Variants in TENM3 observed in about 807,000 individuals in gnomAD.
TENM3 encodes teneurin transmembrane protein 3.
In TENM3, 63 loss-of-function variants were observed where a neutral mutation model predicts 255.1. The observed-to-expected ratio is 0.25, with a 90% confidence interval of 0.20 to 0.30. The LOEUF is 0.30. Among genes scored for constraint, TENM3 ranks in the 10% least tolerant of loss-of-function variants. The probability of loss-of-function intolerance (pLI) is 1.00; values close to 1 mark genes in which losing one functional copy is unlikely to be tolerated. For missense variants in TENM3, 2,929 were observed against 3,461.1 expected (o/e 0.85, Z 3.86); for synonymous variants, 1,306 against 1,322.3 (o/e 0.99, Z 0.27).
At chr4:181,679,019 T>C in the TENM3 span, among the ~76,000 whole-genome samples, 2 of 152,274 alleles carry the variant, frequency 1.3e-5, no homozygotes, top group East Asian at 3.9e-4. Flanking sequence ...CATATTTCTA[T>C]ATTGAGTCCT....
At chr4:181,591,692 G>A in the TENM3 span, among the ~76,000 whole-genome samples, 2 of 152,142 alleles carry the variant, frequency 1.3e-5, no homozygotes, top group East Asian at 1.9e-4. Context: ...ATAGGAGCAC[G>A]AGCCCTATTG....
At chr4:182,526,725 A>G (rs1276595442) in intron 3 of TENM3, among the ~76,000 whole-genome samples, 2 of 152,214 alleles carry the variant, frequency 1.3e-5, no homozygotes, top group Admixed American at 6.5e-5. Context: ...TGGAGCCTCA[A>G]TAGCTGCTCA....
At chr4:181,745,983 G>C in the TENM3 span, among the ~76,000 whole-genome samples, 2 of 152,184 alleles carry the variant, frequency 1.3e-5, no homozygotes, top group Non-Finnish European at 2.9e-5. Context: ...AACTCAAGTG[G>C]AGCAAGTGAG....
the TENM3 span, among the ~76,000 whole-genome samples, chr4:181,541,174 G>T: frequency 6.6e-6 from 1 of 151,974 alleles, no homozygotes; most frequent in Non-Finnish European, 1.5e-5. Flanking sequence ...AGGGGCTGGA[G>T]ACCAGCCTGG....
the TENM3 span, among the ~76,000 whole-genome samples, chr4:181,854,778 A>G: frequency 6.6e-6 from 1 of 152,226 alleles, no homozygotes; most frequent in Non-Finnish European, 1.5e-5. Context: ...GTCATCATTT[A>G]TGAAGGATCA....
chr4:181,559,845 A>G, the TENM3 span, among the ~76,000 whole-genome samples: 22 of 152,286 alleles, frequency 1.4e-4, no homozygotes, highest in Admixed American at 1.4e-3. Flanking sequence ...GCATTGAGAA[A>G]CCACACGCAG....
the TENM3 span, among the ~76,000 whole-genome samples, chr4:181,942,820 A>G: frequency 6.6e-6 from 1 of 152,342 alleles, no homozygotes; most frequent in South Asian, 2.1e-4. Flanking sequence ...TTACTCTGGT[A>G]CAAAATAAAA....
chr4:182,483,705 T>C (rs1445419829), intron 3 of TENM3, among the ~76,000 whole-genome samples: 1 of 152,154 alleles, frequency 6.6e-6, no homozygotes, highest in Non-Finnish European at 1.5e-5. Flanking sequence ...TTTTTCTTTA[T>C]AAAGAAAAGG....
the TENM3 span, among the ~76,000 whole-genome samples, chr4:181,948,241 C>A: frequency 2.0e-5 from 3 of 151,740 alleles, no homozygotes. Context: ...ATTTAATTCA[C>A]GGGGGGAAAA....
At chr4:181,575,088 C>T in the TENM3 span, among the ~76,000 whole-genome samples, 4 of 151,990 alleles carry the variant, frequency 2.6e-5, no homozygotes, top group African/African-American at 4.8e-5. Flanking sequence ...AATTCTTGAC[C>T]GCTACCAGTC....
In TENM3 at chr4:182,294,265, G is replaced by T. The variant is rs116300602; in HGVS notation, c.-75-29681G>T. Among the ~76,000 whole-genome samples, 618 of 152,258 alleles carry T rather than the reference G, an allele frequency of 4.1e-3. 2 individuals carry two copies. Among genetic ancestry groups the T allele is most frequent in the African/African-American group, 0.013 (539 of 41,548 alleles). ...CGTGAGGTGGAGGTCTAAGAATTCTGAGTGACACATTTTTAAGATTTCTAG... is the reference window on the plus strand; with the variant it reads ...CGTGAGGTGGAGGTCTAAGAATTCTTAGTGACACATTTTTAAGATTTCTAG... On this transcript the variant is annotated intron_variant, in intron 1 of 27. Coordinates refer to ENST00000511685, the MANE Select transcript of TENM3 (RefSeq NM_001080477.4).
the TENM3 span, among the ~76,000 whole-genome samples, chr4:181,584,022 G>T: frequency 6.6e-6 from 1 of 152,122 alleles, no homozygotes; most frequent in Admixed American, 6.6e-5. Context: ...AATCTTCTAA[G>T]CTTCTTGCAG....
At chr4:182,362,479 C>A (rs983803687) in intron 3 of TENM3, among the ~76,000 whole-genome samples, 2 of 152,090 alleles carry the variant, frequency 1.3e-5, no homozygotes, top group Non-Finnish European at 2.9e-5. Flanking sequence ...TCTCAGACTG[C>A]TGTGCTAGCA....
chr4:182,785,735 C>T (rs1214039771), intron 24 of TENM3, among the ~76,000 whole-genome samples: 5 of 128,704 alleles, frequency 3.9e-5, no homozygotes, highest in African/African-American at 1.6e-4. Flanking sequence ...AAAAAAAAAG[C>T]CACTGAAGCC....
chr4:181,969,929 T>G, the TENM3 span, among the ~76,000 whole-genome samples: 13 of 152,362 alleles, frequency 8.5e-5, no homozygotes, highest in Non-Finnish European at 1.0e-4. Flanking sequence ...AGCTGTGTTC[T>G]TCATTTATTA....
chr4:181,529,568 G>A, the TENM3 span, among the ~76,000 whole-genome samples: 1 of 152,164 alleles, frequency 6.6e-6, no homozygotes, highest in Admixed American at 6.5e-5. Flanking sequence ...GTGGGGGGTT[G>A]TTATTCACCC....
the TENM3 span, among the ~76,000 whole-genome samples, chr4:181,600,558 TCA>T: frequency 6.6e-6 from 1 of 151,922 alleles, no homozygotes; most frequent in Admixed American, 6.6e-5. Context: ...CTTGAAATTT[TCA>T]CATAGTCCTA....
rs77898867 is a variant in TENM3 at position 182,745,889 on chromosome 4, G to T, written c.3629+2470G>T. Among the ~76,000 whole-genome samples the T allele has an allele frequency of 3.0e-4, 45 of 151,494 alleles. No homozygotes were observed. In the East Asian group the frequency reaches 6.6e-3, roughly 22 times the overall value. On this transcript the variant is annotated intron_variant, in intron 19 of 27. Transcript: ENST00000511685. ...GAAATTCATTTTGTACTAACTCCTG[G>T]TGTTTGGCAGTGATACTATTGTAAT...
Position 182,792,667 on chromosome 4 carries a change from C to A in TENM3, c.5995C>A (p.Leu1999Met), listed in dbSNP as rs2152830623. Residue 1999 changes from leucine (L) to methionine (M), a missense_variant, in exon 26 of 28, where the codon CTG becomes ATG. By Grantham distance (15) the Leu-to-Met change is conservative. Transcript: ENST00000511685. The surrounding 1 kb of genome is among the most constrained non-coding windows in gnomAD (Gnocchi z 6.3). ...CATTAGATACAGGCAAATTGGTCCC[C>A]TGATTGACAGGCAGATTTTCCGCTT... ...CTIRYRQIGP[L>M]IDRQIFRFSE... 6.2e-7 allele frequency: 1 copy of A among 1,613,934 alleles called. No homozygotes were observed. Among genetic ancestry groups the A allele is most frequent in the African/African-American group, 1.3e-5 (1 of 75,026 alleles).
Sources: allele counts gnomAD v4.1 joint callset (sites outside exome capture counted in the v4.1 genomes callset), GRCh38; gene constraint gnomAD v4.1.1; non-coding constraint Gnocchi (gnomAD v3.1); transcripts MANE v1.5; gene names NCBI Gene and HGNC (gene_info 2026-07-23, HGNC 2026-07-21).